Variants in IQSEC1 observed in about 807,000 individuals in gnomAD.
IQSEC1 encodes the protein IQ motif and Sec7 domain ArfGEF 1, also known as IQ motif and SEC7 domain-containing protein 1.
IQSEC1 carries 31 observed loss-of-function variants against 91.0 expected under a neutral mutation model. The observed-to-expected ratio is 0.34, with a 90% CI of 0.26 to 0.46. The LOEUF (loss-of-function observed/expected upper bound fraction) is 0.46. IQSEC1 is among the 20% of genes least tolerant of loss of function. IQSEC1 has a pLI of 1.00. For synonymous variants in IQSEC1, 699 were observed against 662.6 expected (o/e 1.05, Z -0.84); for missense variants, 1,388 against 1,575.6 (o/e 0.88, Z 2.02).
intron 1 of IQSEC1, among the ~76,000 whole-genome samples, chr3:13,180,732 G>A (rs1237985306): frequency 1.3e-5 from 2 of 150,198 alleles, no homozygotes; most frequent in Non-Finnish European, 2.9e-5. Context: ...CCCACCGGGA[G>A]GAACGAACAA....
chr3:12,978,960 A>G (rs1047562379), intron 1 of IQSEC1, among the ~76,000 whole-genome samples: 6 of 152,200 alleles, frequency 3.9e-5, no homozygotes, highest in African/African-American at 1.4e-4. Context: ...GGCTTGGTTA[A>G]CTTGGAAAAT....
At chr3:12,925,952 C>T (rs143761759) in intron 3 of IQSEC1, among the ~76,000 whole-genome samples, 8 of 152,340 alleles carry the variant, frequency 5.3e-5, no homozygotes, top group South Asian at 2.1e-4. Flanking sequence ...GGGCCTCAGA[C>T]GTCCTGCCCA....
chr3:12,898,645 A>G lies in IQSEC1; in HGVS notation c.*2338T>C, dbSNP rs1693887266. On this transcript the variant is annotated 3_prime_UTR_variant, in exon 14 of 14. Transcript: ENST00000613206. Reference sequence around the variant, plus strand: ...CCAAACGGCCTGAATCTTTTCTGGAACAACCTAAAGGTTACAGTTAGACTC... The same window carrying G: ...CCAAACGGCCTGAATCTTTTCTGGAGCAACCTAAAGGTTACAGTTAGACTC... The G allele has an allele frequency of 6.6e-6, 1 of 152,248 alleles. No individual in the cohort carries two copies. Among genetic ancestry groups the G allele is most frequent in the South Asian group, 2.1e-4 (1 of 4,830 alleles). The allele number at this position is 152,248 out of a possible 1,614,324, so 9.4% of individuals were successfully genotyped here.
At chr3:13,175,505 C>A (rs1472869996) in intron 1 of IQSEC1, among the ~76,000 whole-genome samples, 2 of 152,210 alleles carry the variant, frequency 1.3e-5, no homozygotes, top group East Asian at 1.9e-4. Context: ...CGCTGAGTCC[C>A]TCAATGGCTC....
chr3:12,943,824 G>A (rs1314131354), intron 1 of IQSEC1, among the ~76,000 whole-genome samples: 1 of 152,254 alleles, frequency 6.6e-6, no homozygotes, highest in Non-Finnish European at 1.5e-5. Context: ...CAGGTGGTAG[G>A]GAGTGACGGC....
At chr3:12,958,319 A>C (rs759641459) in intron 1 of IQSEC1, among the ~76,000 whole-genome samples, 4 of 152,152 alleles carry the variant, frequency 2.6e-5, no homozygotes, top group African/African-American at 9.7e-5. Flanking sequence ...CCCTACCTAC[A>C]ACATTGGCAC....
intron 1 of IQSEC1, among the ~76,000 whole-genome samples, chr3:13,043,014 G>C (rs1410639950): frequency 6.6e-6 from 1 of 152,196 alleles, no homozygotes; most frequent in Non-Finnish European, 1.5e-5. Context: ...GCTGGGCTCT[G>C]AAAGGCAGGC....
intron 12 of IQSEC1, among the ~76,000 whole-genome samples, 190 bp from the exon 13 acceptor site, chr3:12,903,012 T>C (rs982519244): frequency 1.3e-5 from 2 of 151,734 alleles, no homozygotes; most frequent in African/African-American, 4.8e-5. Context: ...CCAGCAGCAG[T>C]GCAAGAATGA....
chr3:13,220,719 C>A (rs1196252005), intron 1 of IQSEC1, among the ~76,000 whole-genome samples: 1 of 152,230 alleles, frequency 6.6e-6, no homozygotes, highest in Admixed American at 6.5e-5. Context: ...GCACGTCGAC[C>A]CTTGCAGAGG....
chr3:13,159,968 G>C (rs1403670150), intron 2 of IQSEC1, among the ~76,000 whole-genome samples: 1 of 152,078 alleles, frequency 6.6e-6, no homozygotes. Flanking sequence ...TCACATTTGA[G>C]GGCCTCCAGA....
At chr3:12,938,427 G>A (rs1698427581) in intron 2 of IQSEC1, among the ~76,000 whole-genome samples, 1 of 152,052 alleles carries the variant, frequency 6.6e-6, no homozygotes, top group South Asian at 2.1e-4. Flanking sequence ...CGTGCTGCCT[G>A]GCTCTGGGTG....
chr3:13,055,053 G>T (rs949078422), intron 1 of IQSEC1, among the ~76,000 whole-genome samples: 1 of 152,194 alleles, frequency 6.6e-6, no homozygotes, highest in African/African-American at 2.4e-5. Flanking sequence ...TCCACCCACC[G>T]CCGGCCTTCC....
chr3:13,063,007 G>C (rs1294985495), intron 1 of IQSEC1, among the ~76,000 whole-genome samples: 1 of 152,238 alleles, frequency 6.6e-6, no homozygotes, highest in East Asian at 1.9e-4. Context: ...GGGATATAAA[G>C]GGGGACGGGC....
rs774526868 is a variant in IQSEC1, at chr3:12,936,655, G to A, written c.361C>T (p.Arg121Cys). ...GTCTGGATGGTGCGGGCCGCATGGCGGGTTACCAGGCGCCCCCCATACTTT... is the reference window on the plus strand; with the variant it reads ...GTCTGGATGGTGCGGGCCGCATGGCAGGTTACCAGGCGCCCCCCATACTTT... ...ERKYGGRLVT[R>C]HAARTIQTAF... Residue 121 changes from arginine to cysteine, a missense_variant, in exon 3 of 14, where the codon CGC becomes TGC. Coordinates refer to ENST00000613206, the MANE Select transcript of IQSEC1 (RefSeq NM_001134382.3). 7.5e-6 allele frequency: 12 copies of A among 1,601,806 alleles called. No individual in the cohort carries two copies. The highest frequency in any genetic ancestry group is 4.5e-5 in the South Asian group (4 of 89,558).
intron 1 of IQSEC1, among the ~76,000 whole-genome samples, chr3:13,253,818 C>T (rs1209003883): frequency 6.6e-6 from 1 of 152,194 alleles, no homozygotes; most frequent in Non-Finnish European, 1.5e-5. Context: ...ACCCAGCACC[C>T]ATGCTTTTCC....
chr3:12,918,440 T>C (rs1212517614), intron 6 of IQSEC1, among the ~76,000 whole-genome samples: 1 of 152,148 alleles, frequency 6.6e-6, no homozygotes. Context: ...CCTTCTCTAC[T>C]CTAGGCCAGT....
In IQSEC1 at chr3:12,900,534, ATTT is replaced by A. The variant is rs759485709; in HGVS notation, c.*446_*448del. 6 of 966,880 alleles carry A rather than the reference ATTT, an allele frequency of 6.2e-6. No individual in the cohort carries two copies. The highest frequency in any genetic ancestry group is 7.4e-6 in the Non-Finnish European group (6 of 812,732). The allele number at this position is 966,880 out of a possible 1,614,324, so 59.9% of individuals were successfully genotyped here. ...TTCATCAACCATATCAGGTCTACTT[ATTT>A]TTTTGCCCATTGTCAATAAAAGAGC... On this transcript the variant is annotated 3_prime_UTR_variant, in exon 14 of 14. Coordinates refer to ENST00000613206, the MANE Select transcript of IQSEC1 (RefSeq NM_001134382.3).
At chr3:13,188,488 A>G (rs1693969320) in intron 1 of IQSEC1, among the ~76,000 whole-genome samples, 1 of 152,244 alleles carries the variant, frequency 6.6e-6, no homozygotes, top group Admixed American at 6.5e-5. Context: ...ACAAAGCCCA[A>G]CAATATAGAT....
rs954542980 is a variant in IQSEC1, at chr3:13,211,387, T to A, written c.273-47254A>T. The stretch of plus-strand genomic sequence containing the variant: ...GAATTAGGAAGGGAGGGAGGAAATA[T>A]TCCTGCCTGAGGTCTCTGTTTTCTG... On this transcript the variant is annotated intron_variant, in intron 1 of 15. Coordinates refer to the IQSEC1 transcript ENST00000648114. This position sits in a 1 kb window ranked among gnomAD's most constrained non-coding sequence, Gnocchi z 5.3. Among the ~76,000 whole-genome samples the A allele has an allele frequency of 6.6e-6, 1 of 152,174 alleles. No individual in the cohort carries two copies.
Sources: gnomAD v4.1 joint callset for allele counts (sites outside exome capture counted in the v4.1 genomes callset) on GRCh38, gnomAD v4.1.1 for gene constraint, Gnocchi (gnomAD v3.1) non-coding constraint, MANE v1.5 for transcripts, NCBI Gene and HGNC (gene_info 2026-07-23, HGNC 2026-07-21) for gene names.